TDRP: variants seen among roughly 807,000 people sequenced by gnomAD.
TDRP encodes testis development-related protein.
A neutral mutation model predicts 10.5 loss-of-function variants in TDRP; 12 were observed. That is an observed-to-expected ratio of 1.15 (90% CI 0.73 to 1.86). TDRP has a LOEUF of 1.86. TDRP is among the 40% of genes most tolerant of loss of function. The pLI is 0.00. For synonymous variants in TDRP, 139 were observed against 95.4 expected, an observed-to-expected ratio of 1.46 and a Z score of -2.67; for missense variants, 353 against 229.2, an observed-to-expected ratio of 1.54 and a Z score of -3.49.
chr8:534,127 A>G (rs1802282104), intron 1 of TDRP, among the ~76,000 whole-genome samples: 1 of 152,216 alleles, frequency 6.6e-6, no homozygotes, highest in African/African-American at 2.4e-5. Flanking sequence ...AAAGAATATA[A>G]ACCCAGAGAA....
rs78054983 is a variant in TDRP, at chr8:499,746, C to A, written c.109-5149G>T. Among the ~76,000 whole-genome samples, 969 of 152,342 alleles carry A rather than the reference C, an allele frequency of 6.4e-3. 19 individuals carry two copies. Among genetic ancestry groups the A allele is most frequent in the South Asian group, 0.06 (291 of 4,820 alleles). On this transcript the variant is annotated intron_variant, in intron 1 of 2. Transcript: ENST00000324079. ...GAAGTCTCCCACATTTCCCTCTGAG[C>A]ATCCCCCGGGAAGGACAGGAGGGAA...
At chr8:493,797 T>C (rs1801049754) in intron 2 of TDRP, among the ~76,000 whole-genome samples, 1 of 152,108 alleles carries the variant, frequency 6.6e-6, no homozygotes, top group Non-Finnish European at 1.5e-5. Flanking sequence ...TTTGTTTTGG[T>C]TTGGTTTTTT....
Position 492,141 on chromosome 8 carries a change from A to G in TDRP, c.*258T>C, listed in dbSNP as rs1039887448. 3 of 1,246,698 alleles carry G rather than the reference A, an allele frequency of 2.4e-6. No homozygotes were observed. Among genetic ancestry groups the G allele is most frequent in the African/African-American group, 3.1e-5 (2 of 64,760 alleles). 77.2% of individuals were successfully genotyped at this position (1,246,698 alleles called of 1,614,324 possible). The stretch of plus-strand genomic sequence containing the variant: ...TTATGGGAGAGCATCATAAATTCAC[A>G]TCTCCAGTTTCTGCAAAACATGGAC... On this transcript the variant is annotated 3_prime_UTR_variant, in exon 3 of 3. Transcript: ENST00000324079.
intron 1 of TDRP, among the ~76,000 whole-genome samples, chr8:532,259 G>A (rs1247085552): frequency 6.6e-6 from 1 of 152,194 alleles, no homozygotes; most frequent in African/African-American, 2.4e-5. Context: ...ACTCAGTCAT[G>A]AGCCTTGCAG....
intron 1 of TDRP, among the ~76,000 whole-genome samples, chr8:519,199 C>T (rs540555937): frequency 6.6e-6 from 1 of 152,256 alleles, no homozygotes; most frequent in African/African-American, 2.4e-5. Context: ...GGTTAGTGAA[C>T]CCATCCATGT....
intron 1 of TDRP, among the ~76,000 whole-genome samples, chr8:523,335 G>A (rs936161727): frequency 6.6e-6 from 1 of 152,154 alleles, no homozygotes; most frequent in Non-Finnish European, 1.5e-5. Flanking sequence ...CGGGGGGAAT[G>A]GAGGTGGAGT....
In TDRP at chr8:541,202, A is replaced by G. The variant is rs191736686; in HGVS notation, c.108+3448T>C. On this transcript the variant is annotated intron_variant, in intron 1 of 2. Coordinates refer to ENST00000324079, the MANE Select transcript of TDRP (RefSeq NM_001384899.1). ...TCTTGAAGAAATTAACTAAATTTAG[A>G]ATAAGACTAATCTGTCATAATTAAC... Among the ~76,000 whole-genome samples the G allele has an allele frequency of 1.4e-3, 219 of 152,372 alleles. 1 individual carries two copies. The highest frequency in any genetic ancestry group is 4.9e-3 in the African/African-American group (203 of 41,586).
At position 492,389 on chromosome 8, in the gene TDRP, G is replaced by A. The variant is rs3779745; in HGVS notation, c.*10C>T. On this transcript the variant is annotated 3_prime_UTR_variant, in exon 3 of 3. Coordinates refer to ENST00000324079, the MANE Select transcript of TDRP (RefSeq NM_001384899.1). Reference sequence around the variant, plus strand: ...CACCATGTCGGGGCACACTTGCCACGCAGCCCCCCTCACTCCGCCTCCTCC... The same window carrying A: ...CACCATGTCGGGGCACACTTGCCACACAGCCCCCCTCACTCCGCCTCCTCC... The A allele has an allele frequency of 0.2, 306,659 of 1,497,138 alleles. 34,028 individuals carry two copies. The highest frequency in any genetic ancestry group is 0.36 in the African/African-American group (25,760 of 71,630). The allele number at this position is 1,497,138 out of a possible 1,614,324, so 92.7% of individuals were successfully genotyped here.
At chr8:495,729 C>T (rs1329891279) in intron 1 of TDRP, among the ~76,000 whole-genome samples, 1 of 152,180 alleles carries the variant, frequency 6.6e-6, no homozygotes, top group East Asian at 1.9e-4. Context: ...TGACCTGAGG[C>T]TGCAGCATGA....
intron 1 of TDRP, among the ~76,000 whole-genome samples, chr8:504,863 A>T (rs940587960): frequency 5.9e-5 from 9 of 152,210 alleles, no homozygotes; most frequent in African/African-American, 2.2e-4. Flanking sequence ...ATTCATTCTA[A>T]GCCCATGAGA....
chr8:536,509 A>G (rs1277224811), intron 1 of TDRP, among the ~76,000 whole-genome samples: 1 of 152,198 alleles, frequency 6.6e-6, no homozygotes, highest in Non-Finnish European at 1.5e-5. Flanking sequence ...CATTTTATAA[A>G]CTCTAAATAC....
chr8:491,718 A>G lies in TDRP; in HGVS notation c.*681T>C. ...ATGTTTTAAGAAAATAAAGGGACCGATTTAGAAGTTCAAAAGAGGTAAAAA... is the reference window on the plus strand; with the variant it reads ...ATGTTTTAAGAAAATAAAGGGACCGGTTTAGAAGTTCAAAAGAGGTAAAAA... On this transcript the variant is annotated 3_prime_UTR_variant, in exon 3 of 3. Transcript: ENST00000324079. 6.8e-7 allele frequency: 1 copy of G among 1,480,960 alleles called. No homozygotes were observed. Among genetic ancestry groups the G allele is most frequent in the Non-Finnish European group, 8.9e-7 (1 of 1,128,336 alleles). The allele number at this position is 1,480,960 out of a possible 1,614,324, so 91.7% of individuals were successfully genotyped here.
At chr8:522,553 G>A (rs913813287) in intron 1 of TDRP, among the ~76,000 whole-genome samples, 1 of 152,180 alleles carries the variant, frequency 6.6e-6, no homozygotes, top group Admixed American at 6.5e-5. Context: ...ATAATGTAAT[G>A]CATGTCTTAA....
chr8:504,939 G>A (rs1398595947), intron 1 of TDRP, among the ~76,000 whole-genome samples: 2 of 152,094 alleles, frequency 1.3e-5, no homozygotes, highest in East Asian at 3.9e-4. Flanking sequence ...TACATATTTG[G>A]AAAGATTTGG....
intron 1 of TDRP, among the ~76,000 whole-genome samples, chr8:518,535 G>A (rs1801814866): frequency 6.6e-6 from 1 of 152,096 alleles, no homozygotes; most frequent in Non-Finnish European, 1.5e-5. Context: ...ACAGTAAGAG[G>A]TGCATGACAA....
chr8:525,364 C>T (rs1188922897), intron 1 of TDRP, among the ~76,000 whole-genome samples: 1 of 152,104 alleles, frequency 6.6e-6, no homozygotes, highest in Non-Finnish European at 1.5e-5. Context: ...AAGAAATTAT[C>T]TGAAGGTACA....
At chr8:542,940 A>G (rs1041400846) in intron 1 of TDRP, among the ~76,000 whole-genome samples, 3 of 152,010 alleles carry the variant, frequency 2.0e-5, no homozygotes, top group African/African-American at 7.2e-5. Context: ...ACTGCCAGCA[A>G]TTGAATCTAG....
At chr8:507,178 A>G (rs1157061471) in intron 1 of TDRP, among the ~76,000 whole-genome samples, 1 of 152,192 alleles carries the variant, frequency 6.6e-6, no homozygotes, top group Non-Finnish European at 1.5e-5. Flanking sequence ...CACTATCATG[A>G]GAACAGTGTA....
At position 490,563 on chromosome 8, in the gene TDRP, T is replaced by C. The variant is rs569056427; in HGVS notation, c.*1836A>G. 1.3e-5 allele frequency: 2 copies of C among 152,228 alleles called. No homozygotes were observed. The highest frequency in any genetic ancestry group is 1.5e-5 in the Non-Finnish European group (1 of 68,030). 9.4% of individuals were successfully genotyped at this position (152,228 alleles called of 1,614,324 possible). A position where few individuals can be genotyped will look rare whatever the true frequency, so the allele number is the denominator to read the frequency against. Reference sequence around the variant, plus strand: ...TTTACATTCCTGCGCAGCAAGACCATGTTAGCCAAAAACAAACCTACACTG... The same window carrying C: ...TTTACATTCCTGCGCAGCAAGACCACGTTAGCCAAAAACAAACCTACACTG... On this transcript the variant is annotated 3_prime_UTR_variant, in exon 3 of 3. Coordinates refer to ENST00000324079, the MANE Select transcript of TDRP (RefSeq NM_001384899.1).
Sources: allele counts gnomAD v4.1 joint callset (sites outside exome capture counted in the v4.1 genomes callset), GRCh38; gene constraint gnomAD v4.1.1; transcripts MANE v1.5; gene names NCBI Gene and HGNC (gene_info 2026-07-23, HGNC 2026-07-21).